The following PTPRG variants were observed in gnomAD, a reference collection of about 807,000 sequenced individuals.
PTPRG encodes protein tyrosine phosphatase receptor type G.
A neutral mutation model predicts 165.3 loss-of-function variants in PTPRG; 102 were observed. The ratio of observed to expected loss-of-function variants is 0.62; its 90% CI spans 0.53 to 0.73. PTPRG has a LOEUF of 0.73. PTPRG is among the 30% of genes least tolerant of loss of function. The pLI, the probability that PTPRG is intolerant of heterozygous loss-of-function variation, is 0.00. For missense variants in PTPRG, 1,866 were observed against 1,861.4 expected (o/e 1.00, Z -0.05); for synonymous variants, 675 against 669.5 (o/e 1.01, Z -0.13).
At chr3:62,107,369 G>C (rs1702509621) in intron 5 of PTPRG, among the ~76,000 whole-genome samples, 1 of 152,196 alleles carries the variant, frequency 6.6e-6, no homozygotes, top group Non-Finnish European at 1.5e-5. Context: ...TATTAAAGAT[G>C]CATTGATATG....
intron 1 of PTPRG, among the ~76,000 whole-genome samples, chr3:61,734,569 G>C (rs985921354): frequency 4.6e-5 from 7 of 152,278 alleles, no homozygotes; most frequent in African/African-American, 1.7e-4. Context: ...GTCCCAATTT[G>C]TTCCAGAGTA....
chr3:61,795,677 G>C (rs1012597515), intron 2 of PTPRG, among the ~76,000 whole-genome samples: 1 of 142,538 alleles, frequency 7.0e-6, no homozygotes, highest in Non-Finnish European at 1.5e-5. Flanking sequence ...AGTGGGAATA[G>C]TATCTACCTT....
intron 2 of PTPRG, among the ~76,000 whole-genome samples, chr3:61,837,300 A>T (rs1461481753): frequency 6.6e-6 from 1 of 152,198 alleles, no homozygotes; most frequent in African/African-American, 2.4e-5. Flanking sequence ...TGCCTGCCAC[A>T]GCCACCCAAA....
intron 1 of PTPRG, among the ~76,000 whole-genome samples, chr3:61,632,316 C>T (rs1701791766): frequency 1.1e-5 from 1 of 94,998 alleles, no homozygotes; most frequent in Non-Finnish European, 2.0e-5. Context: ...TACACACGCA[C>T]ATACACACAC....
intron 2 of PTPRG, among the ~76,000 whole-genome samples, chr3:61,850,838 C>A (rs2036944618): frequency 6.6e-6 from 1 of 152,102 alleles, no homozygotes. Context: ...TCTTAGAGAT[C>A]CTTTTTGCAA....
intron 2 of PTPRG, among the ~76,000 whole-genome samples, chr3:61,790,382 A>G (rs1559613282): frequency 6.6e-6 from 1 of 152,176 alleles, no homozygotes; most frequent in Non-Finnish European, 1.5e-5. Flanking sequence ...TTTATTACAA[A>G]CTTGGAATTG....
chr3:62,072,976 T>TA (rs924761924), intron 4 of PTPRG, among the ~76,000 whole-genome samples: 2 of 151,886 alleles, frequency 1.3e-5, no homozygotes, highest in Non-Finnish European at 2.9e-5. Context: ...TGCTAAAAAA[T>TA]AAAAAAATAG....
intron 1 of PTPRG, among the ~76,000 whole-genome samples, chr3:61,612,823 T>C (rs1398004598): frequency 6.6e-6 from 1 of 151,514 alleles, no homozygotes; most frequent in South Asian, 2.1e-4. Context: ...TGGGATCCTA[T>C]TACTCGTTCT....
chr3:62,099,033 C>T (rs1482653488), intron 5 of PTPRG, among the ~76,000 whole-genome samples: 2 of 152,072 alleles, frequency 1.3e-5, no homozygotes, highest in Non-Finnish European at 2.9e-5. Flanking sequence ...TTGTTTGAAA[C>T]AGGACGTATC....
chr3:62,031,781 G>C (rs1294140733), intron 4 of PTPRG, among the ~76,000 whole-genome samples: 1 of 152,172 alleles, frequency 6.6e-6, no homozygotes. Flanking sequence ...CTTGGTGTTA[G>C]TTATGGAGAG....
chr3:62,044,010 A>G (rs1380450918), intron 4 of PTPRG, among the ~76,000 whole-genome samples: 1 of 152,136 alleles, frequency 6.6e-6, no homozygotes, highest in East Asian at 1.9e-4. Flanking sequence ...TTGGAGGATA[A>G]TTTTTGCTCC....
At chr3:61,729,083 A>T (rs1048517734) in intron 1 of PTPRG, among the ~76,000 whole-genome samples, 1 of 151,114 alleles carries the variant, frequency 6.6e-6, no homozygotes, top group African/African-American at 2.4e-5. Context: ...CAAACAAACA[A>T]ACAAAAAGGA....
chr3:61,704,550 A>T (rs926030608), intron 1 of PTPRG, among the ~76,000 whole-genome samples: 3 of 152,066 alleles, frequency 2.0e-5, no homozygotes, highest in African/African-American at 7.2e-5. Flanking sequence ...GTATTGCCAG[A>T]TGTCCCCTGG....
chr3:61,564,475 C>T (rs1017714984), intron 1 of PTPRG, among the ~76,000 whole-genome samples: 1 of 152,136 alleles, frequency 6.6e-6, no homozygotes, highest in African/African-American at 2.4e-5. Context: ...CCATTTTCGT[C>T]TTCTCATTTT....
At chr3:62,095,452 G>A (rs1029875934) in intron 5 of PTPRG, among the ~76,000 whole-genome samples, 23 of 152,174 alleles carry the variant, frequency 1.5e-4, no homozygotes, top group African/African-American at 5.3e-4. Flanking sequence ...TGAAAGAAGA[G>A]TGTTACTGTC....
At chr3:61,823,514 A>G (rs967332715) in intron 2 of PTPRG, among the ~76,000 whole-genome samples, 1 of 152,200 alleles carries the variant, frequency 6.6e-6, no homozygotes, top group African/African-American at 2.4e-5. Flanking sequence ...TAGTGGAATC[A>G]TATTGCTCAT....
intron 7 of PTPRG, among the ~76,000 whole-genome samples, chr3:62,166,005 G>A (rs1308232901): frequency 6.6e-6 from 1 of 151,718 alleles, no homozygotes; most frequent in Non-Finnish European, 1.5e-5. Context: ...CTGGTTCCCC[G>A]AAGCCTTGAC....
intron 2 of PTPRG, among the ~76,000 whole-genome samples, chr3:61,857,770 A>G (rs899475358): frequency 1.3e-5 from 2 of 151,858 alleles, no homozygotes; most frequent in Non-Finnish European, 2.9e-5. Context: ...TGGCGTCTTC[A>G]TTTTTTTTCT....
At chr3:62,166,013 G>C (rs547892743) in intron 7 of PTPRG, among the ~76,000 whole-genome samples, 14 of 151,952 alleles carry the variant, frequency 9.2e-5, no homozygotes, top group South Asian at 6.3e-4. Context: ...CCGAAGCCTT[G>C]ACAGTCACTC....
Sources: gnomAD v4.1 joint callset for allele counts (sites outside exome capture counted in the v4.1 genomes callset) on GRCh38, gnomAD v4.1.1 for gene constraint, MANE v1.5 for transcripts, NCBI Gene and HGNC (gene_info 2026-07-23, HGNC 2026-07-21) for gene names.